The following ACAP2 variants were observed in gnomAD, a reference collection of about 807,000 sequenced individuals.
The protein encoded by ACAP2 is ArfGAP with coiled-coil, ankyrin repeat and PH domains 2, also known as arf-GAP with coiled-coil, ANK repeat and PH domain-containing protein 2.
In ACAP2, 39 loss-of-function variants were observed where a neutral mutation model predicts 115.8. The observed-to-expected ratio is 0.34, with a 90% CI of 0.26 to 0.44. ACAP2 has a LOEUF of 0.44. ACAP2 is among the 20% of genes least tolerant of loss of function. The probability of loss-of-function intolerance (pLI) is 1.00; values close to 1 mark genes in which losing one functional copy is unlikely to be tolerated. For synonymous variants in ACAP2, 289 were observed against 315.8 expected (o/e 0.92, Z 0.90); for missense variants, 662 against 927.6 (o/e 0.71, Z 3.72).
chr3:195,355,303 G>A (rs1334000745), intron 4 of ACAP2, among the ~76,000 whole-genome samples: 1 of 87,106 alleles, frequency 1.1e-5, no homozygotes, highest in Non-Finnish European at 2.3e-5. Context: ...TTTTTTGGTA[G>A]TTATTGTTGT....
At position 195,374,187 on chromosome 3, in the gene ACAP2, A is replaced by G. The variant is rs7636824; in HGVS notation, c.285+6822T>C. ...GATCACTTGAGGTCCGGAGTTCGAGACCAGCCTGGCCAACTTGGTGAAACC... is the reference window on the plus strand; with the variant it reads ...GATCACTTGAGGTCCGGAGTTCGAGGCCAGCCTGGCCAACTTGGTGAAACC... On this transcript the variant is annotated intron_variant, in intron 4 of 22. Transcript: ENST00000326793. Among the ~76,000 whole-genome samples the G allele has an allele frequency of 8.6e-5, 13 of 152,034 alleles. No individual in the cohort carries two copies. The South Asian group carries it at 2.5e-3, about 29-fold the overall frequency.
intron 10 of ACAP2, among the ~76,000 whole-genome samples, chr3:195,320,269 A>T (rs1005204105): frequency 6.6e-6 from 1 of 152,212 alleles, no homozygotes; most frequent in African/African-American, 2.4e-5. Flanking sequence ...CACTAAGTAA[A>T]AATGTACATA....
intron 13 of ACAP2, 127 bp from the exon 14 acceptor site, chr3:195,302,301 C>T (rs1462782139): frequency 2.0e-5 from 16 of 790,168 alleles, no homozygotes; most frequent in Non-Finnish European, 3.0e-5. Flanking sequence ...ATAAGCAAGG[C>T]AATAGTCTAG....
rs529036361 is a variant in ACAP2 at position 195,353,106 on chromosome 3, G to A, written c.286-7789C>T. Among the ~76,000 whole-genome samples, 4 of 149,158 alleles carry A rather than the reference G, an allele frequency of 2.7e-5. No individual in the cohort carries two copies. In the South Asian group the frequency reaches 8.6e-4, roughly 32 times the overall value. The stretch of plus-strand genomic sequence containing the variant: ...AAAAAAAAAAAAAAAAAAGGCATTG[G>A]AGCTTCCTGTTTGCCCATGCTGCTC... On this transcript the variant is annotated intron_variant, in intron 4 of 22. Transcript: ENST00000326793.
At chr3:195,379,856 C>T (rs561410467) in intron 4 of ACAP2, among the ~76,000 whole-genome samples, 39 of 152,148 alleles carry the variant, frequency 2.6e-4, no homozygotes, top group Non-Finnish European at 5.4e-4. Context: ...ACAGAAGATA[C>T]ACAAAAAACC....
intron 1 of ACAP2, among the ~76,000 whole-genome samples, chr3:195,406,364 T>C (rs823310): frequency 0.54 from 82,281 of 152,038 alleles, 23,798 homozygotes; most frequent in East Asian, 0.89. Flanking sequence ...ATTTATATTC[T>C]ATAGTTTATC....
chr3:195,393,357 G>A (rs1473114713), intron 1 of ACAP2, among the ~76,000 whole-genome samples: 1 of 152,166 alleles, frequency 6.6e-6, no homozygotes, highest in Non-Finnish European at 1.5e-5. Context: ...ACCTCTGTGT[G>A]ACCTCTGAAT....
chr3:195,439,632 G>GT (rs1249135505), intron 1 of ACAP2, among the ~76,000 whole-genome samples: 119 of 147,742 alleles, frequency 8.1e-4, no homozygotes, highest in African/African-American at 2.8e-3. Flanking sequence ...TGTTTTTTTT[G>GT]TTTTTTTTGT....
intron 10 of ACAP2, among the ~76,000 whole-genome samples, chr3:195,311,012 T>G (rs76695865): frequency 0.021 from 3,270 of 152,130 alleles, 113 homozygotes; most frequent in East Asian, 0.1. Flanking sequence ...CTTTAATCAG[T>G]TAAGTAAAAG....
At chr3:195,352,632 T>C (rs938210019) in intron 4 of ACAP2, among the ~76,000 whole-genome samples, 1 of 152,212 alleles carries the variant, frequency 6.6e-6, no homozygotes, top group Non-Finnish European at 1.5e-5. Context: ...CCAAAGTCCA[T>C]TGCGGTAGCT....
intron 8 of ACAP2, among the ~76,000 whole-genome samples, chr3:195,329,035 A>G (rs113344044): frequency 0.021 from 3,225 of 150,968 alleles, 109 homozygotes; most frequent in East Asian, 0.1. Flanking sequence ...AGCCAAGATC[A>G]CGCCACTGTA....
At chr3:195,381,236 T>C (rs1263726736) in intron 3 of ACAP2, among the ~76,000 whole-genome samples, 174 bp from the exon 4 acceptor site, 1 of 152,212 alleles carries the variant, frequency 6.6e-6, no homozygotes, top group Non-Finnish European at 1.5e-5. Context: ...AGGTCACCTC[T>C]ACACGTGGTA....
At chr3:195,442,479 C>T (rs892567987) in intron 1 of ACAP2, among the ~76,000 whole-genome samples, 1 of 152,212 alleles carries the variant, frequency 6.6e-6, no homozygotes, top group Non-Finnish European at 1.5e-5. Flanking sequence ...GCGAAGGGGA[C>T]GGGACTTCGG....
At chr3:195,292,235 T>A in intron 19 of ACAP2, 30 bp downstream of exon 19, 1 of 1,529,346 alleles carries the variant, frequency 6.5e-7, no homozygotes, top group Admixed American at 2.4e-5. Flanking sequence ...ATTTGATTGC[T>A]ACTGAAAATG....
At chr3:195,335,197 A>G (rs1730423044) in intron 7 of ACAP2, among the ~76,000 whole-genome samples, 1 of 152,200 alleles carries the variant, frequency 6.6e-6, no homozygotes, top group African/African-American at 2.4e-5. Flanking sequence ...CTCTCTCATT[A>G]TAATAGCACA....
At chr3:195,351,440 TCGTGTGTGTGTG>T (rs557692065) in intron 4 of ACAP2, among the ~76,000 whole-genome samples, 1 of 99,774 alleles carries the variant, frequency 1.0e-5, no homozygotes, top group East Asian at 3.3e-4. Flanking sequence ...TTTTTCTTTT[TCGTGTGTGTGTG>T]TGTGTGTGTG....
chr3:195,292,703 CTT>C (rs1727343255), intron 18 of ACAP2, among the ~76,000 whole-genome samples: 1 of 151,936 alleles, frequency 6.6e-6, no homozygotes, highest in Admixed American at 6.6e-5. Context: ...GGGTGGATCA[CTT>C]GAGGTCAGGA....
At chr3:195,298,407 C>G (rs1727800216) in intron 15 of ACAP2, among the ~76,000 whole-genome samples, 1 of 151,988 alleles carries the variant, frequency 6.6e-6, no homozygotes, top group African/African-American at 2.4e-5. Context: ...AGATGGCCAC[C>G]ACCACACCCA....
At chr3:195,325,611 C>T (rs1729743449) in intron 9 of ACAP2, among the ~76,000 whole-genome samples, 1 of 151,834 alleles carries the variant, frequency 6.6e-6, no homozygotes, top group South Asian at 2.1e-4. Flanking sequence ...TTCAGTACAA[C>T]ACTGAACTGT....
Sources: allele counts gnomAD v4.1 joint callset (sites outside exome capture counted in the v4.1 genomes callset), GRCh38; gene constraint gnomAD v4.1.1; transcripts MANE v1.5; gene names NCBI Gene and HGNC (gene_info 2026-07-23, HGNC 2026-07-21).